The following MYBPC2 variants were observed in gnomAD, a reference collection of about 807,000 sequenced individuals.
The protein encoded by MYBPC2 is myosin binding protein C2.
Under a neutral mutation model 137.0 loss-of-function variants are expected in MYBPC2, and 122 were observed. That is an observed-to-expected ratio of 0.89 (90% confidence interval 0.77 to 1.03). The LOEUF is 1.03. MYBPC2 is among the 50% of genes least tolerant of loss of function. MYBPC2 has a pLI of 0.00. For missense variants in MYBPC2, 1,500 were observed against 1,534.4 expected (o/e 0.98, Z 0.37); for synonymous variants, 626 against 612.3 (o/e 1.02, Z -0.33).
rs577542934 is a variant in MYBPC2 at position 50,434,886 on chromosome 19, C to T, written c.20-275C>T. 4.6e-5 allele frequency among the ~76,000 whole-genome samples: 7 copies of T among 152,192 alleles called. No individual in the cohort carries two copies. The East Asian group carries it at 9.7e-4, about 21-fold the overall frequency. The stretch of plus-strand genomic sequence containing the variant: ...AAAGGTCAGGGCGTGGTGGCCTGGG[C>T]GGATGGGGCAGGGCCTGCTGGGGGT... On this transcript the variant is annotated intron_variant, in intron 1 of 27. Coordinates refer to ENST00000357701, the MANE Select transcript of MYBPC2 (RefSeq NM_004533.4).
rs540428165 is a variant in MYBPC2 at position 50,446,846 on chromosome 19, G to A, written c.1306+794G>A. The stretch of plus-strand genomic sequence containing the variant: ...AAAAAAAAAAAAAAAAATTAGCCGA[G>A]CATGGTGGCACACACCTGTAATCCC... On this transcript the variant is annotated intron_variant, in intron 12 of 27. Transcript: ENST00000357701. 1.2e-4 allele frequency among the ~76,000 whole-genome samples: 18 copies of A among 150,644 alleles called. 1 individual carries two copies. Among genetic ancestry groups the A allele is most frequent in the Middle Eastern group, 6.8e-3 (2 of 292 alleles).
chr19:50,447,782 G>C (rs910125207), intron 12 of MYBPC2, among the ~76,000 whole-genome samples: 1 of 152,018 alleles, frequency 6.6e-6, no homozygotes, highest in South Asian at 2.1e-4. Context: ...ACTTGTACCC[G>C]GGGGGTGGAG....
intron 21 of MYBPC2, 51 bp from the exon 22 acceptor site, chr19:50,458,867 G>A: frequency 1.3e-6 from 2 of 1,595,634 alleles, no homozygotes; most frequent in African/African-American, 2.7e-5. Context: ...TTGGCCCCTG[G>A]AATGCGCCCC....
chr19:50,462,585 CTTCT>C (rs567225150), intron 26 of MYBPC2, among the ~76,000 whole-genome samples: 111 of 151,372 alleles, frequency 7.3e-4, no homozygotes, highest in African/African-American at 2.1e-3. Flanking sequence ...TGCCTTTTTC[CTTCT>C]TTCTTTCTTT....
chr19:50,458,521 CG>C, intron 20 of MYBPC2, 65 bp from the exon 21 acceptor site: 1 of 1,567,260 alleles, frequency 6.4e-7, no homozygotes, highest in Non-Finnish European at 8.6e-7. Context: ...CCCAAGTCCC[CG>C]GGAGAAACGG....
intron 11 of MYBPC2, 126 bp downstream of exon 11, chr19:50,443,942 CAGG>C: frequency 1.2e-6 from 1 of 831,106 alleles, no homozygotes; most frequent in Non-Finnish European, 1.9e-6. Context: ...TAGTCATCCC[CAGG>C]AGATCTCAGC....
chr19:50,463,875 G>A (rs1021641227), intron 26 of MYBPC2, among the ~76,000 whole-genome samples: 1 of 151,502 alleles, frequency 6.6e-6, no homozygotes, highest in Non-Finnish European at 1.5e-5. Flanking sequence ...GGAGGTGGAG[G>A]TTACAGTGAG....
Position 50,435,274 on chromosome 19 carries a change from C to A in MYBPC2, c.109+24C>A. 1 of 850,088 alleles carries A rather than the reference C, an allele frequency of 1.2e-6. No homozygotes were observed. Among genetic ancestry groups the A allele is most frequent in the Non-Finnish European group, 2.0e-6 (1 of 503,194 alleles). The allele number at this position is 850,088 out of a possible 1,614,324, so 52.7% of individuals were successfully genotyped here. On this transcript the variant is annotated intron_variant, in intron 2 of 27. Transcript: ENST00000357701. The surrounding 1 kb of genome is among the most constrained non-coding windows in gnomAD (Gnocchi z 4.8). ...AGGTGAGGAGGTGCTCCCTCGGGCT[C>A]AACCGACCTGGCTTCTCATCTCCAT...
Position 50,443,762 on chromosome 19 carries a change from G to A in MYBPC2, c.1079G>A (p.Gly360Asp), listed in dbSNP as rs964936728. 6.2e-7 allele frequency: 1 copy of A among 1,613,944 alleles called. No homozygotes were observed. The highest frequency in any genetic ancestry group is 8.5e-7 in the Non-Finnish European group (1 of 1,179,876). ...TPLEDQQVFV[G>D]DRVEMAVEVS... The stretch of plus-strand genomic sequence containing the variant: ...CTTGAGGACCAGCAGGTGTTTGTGG[G>A]TGACCGGGTGGAAATGGCAGTGGAG... Residue 360 changes from glycine to aspartate, a missense_variant, in exon 11 of 28, where the codon GGT becomes GAT. Physicochemically the swap from Gly to Asp is moderately conservative, Grantham distance 94. Transcript: ENST00000357701.
chr19:50,461,763 C>T, intron 25 of MYBPC2, 62 bp downstream of exon 25: 1 of 1,602,738 alleles, frequency 6.2e-7, no homozygotes, highest in Non-Finnish European at 8.5e-7. Flanking sequence ...CAGGTCCCAC[C>T]TGGACTCCTG....
chr19:50,464,530 G>A lies in MYBPC2; in HGVS notation c.3413G>A (p.Arg1138Gln), dbSNP rs895478281. The change falls in exon 27 of 28, where the codon CGA becomes CAA. Residue 1138 changes from arginine (R) to glutamine (Q), a missense_variant and splice_region_variant. Coordinates refer to ENST00000357701, the MANE Select transcript of MYBPC2 (RefSeq NM_004533.4). The stretch of plus-strand genomic sequence containing the variant: ...CTGGCTGAGTGCAAGCTGGAGGTCC[G>A]AGGTGAGGGCGTGGCCATCCCCAAC... Reference protein sequence around the residue: ...EALAECKLEVRVPQ With the variant: ...EALAECKLEVQVPQ 6.9e-6 allele frequency: 11 copies of A among 1,604,974 alleles called. No homozygotes were observed. The highest frequency in any genetic ancestry group is 4.0e-5 in the African/African-American group (3 of 74,844).
Position 50,454,307 on chromosome 19 carries a change from G to T in MYBPC2, c.1952G>T (p.Gly651Val), listed in dbSNP as rs1404598232. The T allele has an allele frequency of 4.3e-6, 7 of 1,613,772 alleles. No individual in the cohort carries two copies. The African/African-American group carries it at 6.7e-5, about 15-fold the overall frequency. The part of the protein sequence containing the change: ...PPEAVRITSV[G>V]EDWAILVWEP... Reference sequence around the variant, plus strand: ...GAGGCTGTGCGCATCACCTCGGTTGGAGAGGATTGGGCCATCCTTGTCTGG... The same window carrying T: ...GAGGCTGTGCGCATCACCTCGGTTGTAGAGGATTGGGCCATCCTTGTCTGG... Residue 651 changes from glycine to valine, a missense_variant, in exon 18 of 28, where the codon GGA becomes GTA. Physicochemically the swap from Gly to Val is moderately radical, Grantham distance 109 (BLOSUM62 -3). Transcript: ENST00000357701.
In MYBPC2 at chr19:50,459,241, A is replaced by T. The variant is rs1206937371; in HGVS notation, c.2726A>T (p.Glu909Val). 1.2e-6 allele frequency: 2 copies of T among 1,611,422 alleles called. No homozygotes were observed. Among genetic ancestry groups the T allele is most frequent in the South Asian group, 1.1e-5 (1 of 91,000 alleles). ...CAGGCGGCCCGCTCCGACTCCGGGG[A>T]GTACGAGCTGAGCGTGCAGATCGAG... Reference protein sequence around the residue: ...VRQAARSDSGEYELSVQIENM... With the variant: ...VRQAARSDSGVYELSVQIENM... Residue 909 changes from glutamate (E) to valine (V), a missense_variant, in exon 23 of 28, where the codon GAG becomes GTG. Coordinates refer to ENST00000357701, the MANE Select transcript of MYBPC2 (RefSeq NM_004533.4).
At chr19:50,464,299 C>A (rs1329348747) in intron 26 of MYBPC2, 47 bp from the exon 27 acceptor site, 10 of 1,525,078 alleles carry the variant, frequency 6.6e-6, no homozygotes, top group Non-Finnish European at 8.8e-6. Flanking sequence ...TCATCATTGC[C>A]CAGGGTCTCT....
intron 16 of MYBPC2, among the ~76,000 whole-genome samples, chr19:50,453,747 C>A (rs927992858): frequency 1.3e-5 from 2 of 152,028 alleles, no homozygotes; most frequent in Non-Finnish European, 2.9e-5. Flanking sequence ...ACCATGTTGG[C>A]CAGGCTGGTC....
rs2039941743 is a variant in MYBPC2 at position 50,458,990 on chromosome 19, T to C, written c.2579T>C (p.Leu860Pro). The change falls in exon 22 of 28, where the codon CTT (leucine) becomes CCT (proline). Residue 860 changes from leucine to proline, a missense_variant. Transcript: ENST00000357701. ...YIRKVGEQLN[L>P]VVPFQGKPRP... ...CGCAAAGTGGGCGAGCAGCTCAACC[T>C]TGTCGTCCCCTTCCAGGTCAGGGGA... The C allele has an allele frequency of 5.6e-6, 9 of 1,611,770 alleles. No homozygotes were observed. Among genetic ancestry groups the C allele is most frequent in the South Asian group, 1.1e-5 (1 of 90,752 alleles).
intron 8 of MYBPC2, among the ~76,000 whole-genome samples, chr19:50,441,927 A>G (rs2039759788): frequency 6.6e-6 from 1 of 152,194 alleles, no homozygotes; most frequent in Admixed American, 6.6e-5. Context: ...TCTACCTAAC[A>G]CTGGCTTGCC....
intron 7 of MYBPC2, among the ~76,000 whole-genome samples, chr19:50,439,434 T>C (rs1601282341): frequency 6.6e-6 from 1 of 152,196 alleles, no homozygotes; most frequent in Non-Finnish European, 1.5e-5. Flanking sequence ...ATCCTCTCTT[T>C]GTTCCTTTCC....
chr19:50,461,609 A>G lies in MYBPC2; in HGVS notation c.2999A>G (p.Asn1000Ser), dbSNP rs773345907. Residue 1000 changes from asparagine to serine, a missense_variant, in exon 25 of 28, where the codon AAT (asparagine) becomes AGT (serine). Transcript: ENST00000357701. The stretch of plus-strand genomic sequence containing the variant: ...ACTGTGTCCGACCTTATCGTGGGCA[A>G]TGAATACTATTTCCGAGTTTACACC... ...SCTVSDLIVGNEYYFRVYTEN... is the reference protein window; with the variant it reads ...SCTVSDLIVGSEYYFRVYTEN... 5.0e-6 allele frequency: 8 copies of G among 1,613,648 alleles called. No individual in the cohort carries two copies. The South Asian group carries it at 7.7e-5, about 16-fold the overall frequency.
Sources: allele counts gnomAD v4.1 joint callset (sites outside exome capture counted in the v4.1 genomes callset), GRCh38; gene constraint gnomAD v4.1.1; non-coding constraint Gnocchi (gnomAD v3.1); transcripts MANE v1.5; gene names NCBI Gene and HGNC (gene_info 2026-07-23, HGNC 2026-07-21).